BRAF: variants seen among roughly 807,000 people sequenced by gnomAD.
BRAF encodes the protein serine/threonine-protein kinase B-raf.
In BRAF, 16 loss-of-function variants were observed where a neutral mutation model predicts 104.6. The observed-to-expected ratio is 0.15, with a 90% CI of 0.10 to 0.23. The LOEUF is 0.23. BRAF is among the 10% of genes least tolerant of loss of function. The pLI, the probability that BRAF is intolerant of heterozygous loss-of-function variation, is 1.00. For missense variants in BRAF, 541 were observed against 937.3 expected (o/e 0.58, Z 5.52); for synonymous variants, 310 against 341.6 (o/e 0.91, Z 1.02).
chr7:140,866,358 CA>C (rs1810964558), intron 1 of BRAF, among the ~76,000 whole-genome samples: 1 of 152,200 alleles, frequency 6.6e-6, no homozygotes, highest in South Asian at 2.1e-4. Context: ...CAGAGCACCA[CA>C]TCCTATCATT....
At chr7:140,771,966 CA>C (rs1213810244) in intron 14 of BRAF, among the ~76,000 whole-genome samples, 1 of 151,862 alleles carries the variant, frequency 6.6e-6, no homozygotes, top group African/African-American at 2.4e-5. Flanking sequence ...GAGATAATTC[CA>C]AAACAAAGCC....
At chr7:140,786,927 G>T (rs1445004845) in intron 9 of BRAF, among the ~76,000 whole-genome samples, 3 of 152,222 alleles carry the variant, frequency 2.0e-5, no homozygotes, top group Non-Finnish European at 4.4e-5. Flanking sequence ...TAAAACTGTA[G>T]TCTACGGCCA....
intron 3 of BRAF, among the ~76,000 whole-genome samples, chr7:140,831,512 T>C (rs1806743257): frequency 6.6e-6 from 1 of 152,168 alleles, no homozygotes; most frequent in Non-Finnish European, 1.5e-5. Context: ...TAGAGCTTTT[T>C]CATGGAATAA....
chr7:140,820,391 T>C (rs923930751), intron 3 of BRAF, among the ~76,000 whole-genome samples: 7 of 152,182 alleles, frequency 4.6e-5, no homozygotes, highest in Non-Finnish European at 1.0e-4. Context: ...TTTCAGGATA[T>C]ATGTACTTAA....
chr7:140,911,011 A>C (rs1400571267), intron 1 of BRAF, among the ~76,000 whole-genome samples: 1 of 152,206 alleles, frequency 6.6e-6, no homozygotes, highest in Non-Finnish European at 1.5e-5. Flanking sequence ...TGTGTAAATC[A>C]ACATAATCTT....
At chr7:140,815,139 A>ATTT (rs535513876) in intron 3 of BRAF, among the ~76,000 whole-genome samples, 1 of 139,752 alleles carries the variant, frequency 7.2e-6, no homozygotes, top group Non-Finnish European at 1.6e-5. Flanking sequence ...CATCAATTAC[A>ATTT]TTTTTTTTTT....
chr7:140,877,506 A>T (rs1812403790), intron 1 of BRAF, among the ~76,000 whole-genome samples: 1 of 152,190 alleles, frequency 6.6e-6, no homozygotes, highest in African/African-American at 2.4e-5. Flanking sequence ...AGAAAGCAAC[A>T]CAAAAATAAT....
chr7:140,721,618 A>G lies in BRAF; in HGVS notation c.*4876T>C. 2 of 1,535,606 alleles carry G rather than the reference A, an allele frequency of 1.3e-6. No homozygotes were observed. The highest frequency in any genetic ancestry group is 1.7e-6 in the Non-Finnish European group (2 of 1,146,582). Reference sequence around the variant, plus strand: ...TCCTCTGGCCAAGCTACAAATCATCACCTGAGGCAGAGATGCTACTACCCT... The same window carrying G: ...TCCTCTGGCCAAGCTACAAATCATCGCCTGAGGCAGAGATGCTACTACCCT... On this transcript the variant is annotated 3_prime_UTR_variant, in exon 20 of 20. Coordinates refer to ENST00000644969, the MANE Select transcript of BRAF (RefSeq NM_001374258.1).
At chr7:140,871,486 T>G (rs981881927) in intron 1 of BRAF, among the ~76,000 whole-genome samples, 1 of 152,056 alleles carries the variant, frequency 6.6e-6, no homozygotes, top group Non-Finnish European at 1.5e-5. Context: ...GAACTAGAAA[T>G]TAATGGATTT....
chr7:140,789,341 T>A (rs1222720717), intron 8 of BRAF, among the ~76,000 whole-genome samples: 1 of 152,234 alleles, frequency 6.6e-6, no homozygotes, highest in Non-Finnish European at 1.5e-5. Context: ...TTATTTAGTT[T>A]AACTTAAATA....
chr7:140,823,605 A>C (rs1805704474), intron 3 of BRAF: 1 of 152,312 alleles, frequency 6.6e-6, no homozygotes, highest in Non-Finnish European at 1.5e-5. Context: ...ATAGTGAATA[A>C]TGCTGCTATG....
At chr7:140,737,777 A>G (rs997060743) in intron 18 of BRAF, among the ~76,000 whole-genome samples, 2 of 152,228 alleles carry the variant, frequency 1.3e-5, no homozygotes, top group African/African-American at 4.8e-5. Flanking sequence ...GGCATATAAC[A>G]GTATGGTGTG....
chr7:140,896,592 G>A (rs1021957258), intron 1 of BRAF, among the ~76,000 whole-genome samples: 2 of 151,888 alleles, frequency 1.3e-5, no homozygotes, highest in African/African-American at 2.4e-5. Flanking sequence ...TGGCCCAGGC[G>A]CGGTGGCTCA....
intron 3 of BRAF, among the ~76,000 whole-genome samples, chr7:140,814,437 G>T (rs1804605793): frequency 6.6e-6 from 1 of 152,074 alleles, no homozygotes. Context: ...GGCCAAGGCA[G>T]GCAGATCACC....
chr7:140,888,594 T>C (rs1813839660), intron 1 of BRAF, among the ~76,000 whole-genome samples: 1 of 152,142 alleles, frequency 6.6e-6, no homozygotes, highest in African/African-American at 2.4e-5. Flanking sequence ...ACCAGCACTC[T>C]GGAAGCTGAG....
chr7:140,738,386 T>A (rs1796617516), intron 18 of BRAF, among the ~76,000 whole-genome samples: 1 of 152,200 alleles, frequency 6.6e-6, no homozygotes, highest in Admixed American at 6.5e-5. Flanking sequence ...TCTGAGTTAC[T>A]CAGCTAGGAC....
In BRAF at chr7:140,808,873, C is replaced by G. The variant is rs200908826; in HGVS notation, c.608+19G>C. On this transcript the variant is annotated intron_variant, in intron 4 of 19. Coordinates refer to ENST00000644969, the MANE Select transcript of BRAF (RefSeq NM_001374258.1). ...GATTTTCTTTTTAAACAAAATTTCACGTCACATACAAACCATACCCATCCT... is the reference window on the plus strand; with the variant it reads ...GATTTTCTTTTTAAACAAAATTTCAGGTCACATACAAACCATACCCATCCT... 508 of 1,584,718 alleles carry G rather than the reference C, an allele frequency of 3.2e-4. 2 individuals are homozygous for G. The highest frequency in any genetic ancestry group is 4.2e-4 in the Non-Finnish European group (490 of 1,155,736).
chr7:140,924,821 G>C lies in BRAF; in HGVS notation c.-118C>G. On this transcript the variant is annotated 5_prime_UTR_variant, in exon 1 of 20. Coordinates refer to ENST00000644969, the MANE Select transcript of BRAF (RefSeq NM_001374258.1). The surrounding 1 kb of genome is among the most constrained non-coding windows in gnomAD (Gnocchi z 4.2). ...GGCGGAGGAGCGGGGGGCGCGGGGG[G>C]CGCGGGGAGGAGCGGCCCGGGCGGC... 2.6e-6 allele frequency: 1 copy of C among 379,918 alleles called. No individual in the cohort carries two copies. Among genetic ancestry groups the C allele is most frequent in the Non-Finnish European group, 4.6e-6 (1 of 216,496 alleles). 23.5% of individuals were successfully genotyped at this position (379,918 alleles called of 1,614,324 possible). A position where few individuals can be genotyped will look rare whatever the true frequency, so the allele number is the denominator to read the frequency against.
chr7:140,901,937 G>A (rs1815691949), intron 1 of BRAF, among the ~76,000 whole-genome samples: 2 of 152,162 alleles, frequency 1.3e-5, no homozygotes, highest in African/African-American at 4.8e-5. Flanking sequence ...CCAGTGCCTA[G>A]CATACAACTC....
Sources: gnomAD v4.1 joint callset for allele counts (sites outside exome capture counted in the v4.1 genomes callset) on GRCh38, gnomAD v4.1.1 for gene constraint, Gnocchi (gnomAD v3.1) non-coding constraint, MANE v1.5 for transcripts, NCBI Gene and HGNC (gene_info 2026-07-23, HGNC 2026-07-21) for gene names.